The following CNTNAP2 variants were observed in gnomAD, a reference collection of about 807,000 sequenced individuals.
The protein encoded by CNTNAP2 is contactin associated protein 2, also known as contactin-associated protein-like 2.
Under a neutral mutation model 155.2 loss-of-function variants are expected in CNTNAP2, and 98 were observed. That is an observed-to-expected ratio of 0.63 (90% CI 0.54 to 0.75). CNTNAP2 has a LOEUF of 0.75. Among genes scored for constraint, CNTNAP2 ranks in the 30% least tolerant of loss-of-function variants. CNTNAP2 has a pLI of 0.00. For missense variants in CNTNAP2, 1,727 were observed against 1,688.1 expected (o/e 1.02, Z -0.40); for synonymous variants, 651 against 631.2 (o/e 1.03, Z -0.47).
chr7:146,985,686 T>C (rs1367527835), intron 3 of CNTNAP2, among the ~76,000 whole-genome samples: 1 of 152,174 alleles, frequency 6.6e-6, no homozygotes, highest in Non-Finnish European at 1.5e-5. Flanking sequence ...TTCAGTAAAG[T>C]TAACCATCAA....
chr7:146,679,760 C>T (rs1221177137), intron 1 of CNTNAP2, among the ~76,000 whole-genome samples: 1 of 151,870 alleles, frequency 6.6e-6, no homozygotes, highest in Non-Finnish European at 1.5e-5. Context: ...TTCGTTTCTT[C>T]TTTCTTTTCT....
Position 146,525,196 on chromosome 7 carries a change from A to G in CNTNAP2, c.98-249075A>G, listed in dbSNP as rs550074992. Among the ~76,000 whole-genome samples the G allele has an allele frequency of 1.6e-4, 24 of 152,214 alleles. 1 individual carries two copies. The highest frequency in any genetic ancestry group is 5.8e-4 in the African/African-American group (24 of 41,544). On this transcript the variant is annotated intron_variant, in intron 1 of 23. Transcript: ENST00000361727. ...GTTTGGGCCCTGGTAATCCTCGGCT[A>G]TTTGTGTGTATAGATTAAAGCTCCT...
intron 3 of CNTNAP2, among the ~76,000 whole-genome samples, chr7:146,895,746 AT>A (rs1458457090): frequency 6.6e-6 from 1 of 152,252 alleles, no homozygotes; most frequent in East Asian, 1.9e-4. Context: ...GAAATGTGAG[AT>A]GCAATGGGAG....
chr7:146,455,144 G>T (rs746489843), intron 1 of CNTNAP2, among the ~76,000 whole-genome samples: 16 of 152,088 alleles, frequency 1.1e-4, no homozygotes, highest in Non-Finnish European at 1.9e-4. Context: ...TAGCACTAAG[G>T]CATCTTTTGA....
At position 146,609,424 on chromosome 7, in the gene CNTNAP2, G is replaced by A. The variant is rs373607952; in HGVS notation, c.98-164847G>A. On this transcript the variant is annotated intron_variant, in intron 1 of 23. Transcript: ENST00000361727. ...ATTCTGAAAACAGGATTTCTCATGT[G>A]TCACCCCAATACTGCACTGTTATAG... Among the ~76,000 whole-genome samples the A allele has an allele frequency of 3.9e-3, 596 of 152,282 alleles. 2 individuals carry two copies. Among genetic ancestry groups the A allele is most frequent in the African/African-American group, 0.014 (568 of 41,556 alleles).
At chr7:146,580,682 G>A (rs1798598609) in intron 1 of CNTNAP2, among the ~76,000 whole-genome samples, 1 of 152,058 alleles carries the variant, frequency 6.6e-6, no homozygotes, top group African/African-American at 2.4e-5. Context: ...TGCTTGTAAT[G>A]AAGAATGCTT....
At chr7:148,094,164 G>A (rs143891144) in intron 15 of CNTNAP2, among the ~76,000 whole-genome samples, 1 of 152,070 alleles carries the variant, frequency 6.6e-6, no homozygotes, top group Non-Finnish European at 1.5e-5. Flanking sequence ...ACTGCCCATG[G>A]GGACTTGAAC....
chr7:147,276,964 G>A (rs141340558), intron 8 of CNTNAP2, among the ~76,000 whole-genome samples: 78 of 152,094 alleles, frequency 5.1e-4, no homozygotes, highest in African/African-American at 1.7e-3. Flanking sequence ...TGACAATAAT[G>A]CTGTTAGACG....
At chr7:146,522,635 C>G (rs1035213758) in intron 1 of CNTNAP2, among the ~76,000 whole-genome samples, 7 of 151,610 alleles carry the variant, frequency 4.6e-5, no homozygotes, top group African/African-American at 1.7e-4. Context: ...TTTGAAATTC[C>G]AGGAAAGCAT....
At chr7:148,013,776 G>A (rs1802124269) in intron 15 of CNTNAP2, among the ~76,000 whole-genome samples, 1 of 152,100 alleles carries the variant, frequency 6.6e-6, no homozygotes, top group Non-Finnish European at 1.5e-5. Context: ...GATGTGGACA[G>A]CAAATAAGTT....
rs10258430 is a variant in CNTNAP2 at position 146,951,899 on chromosome 7, G to A, written c.403-92008G>A. On this transcript the variant is annotated intron_variant, in intron 3 of 23. Coordinates refer to ENST00000361727, the MANE Select transcript of CNTNAP2 (RefSeq NM_014141.6). ...TACTTTGGGCAGTATGGCCATTTTC[G>A]CGATATTGATTCTTCCTATCCATGA... Among the ~76,000 whole-genome samples, 212 of 151,938 alleles carry A rather than the reference G, an allele frequency of 1.4e-3. 1 individual carries two copies. The highest frequency in any genetic ancestry group is 4.4e-3 in the African/African-American group (181 of 41,460).
intron 10 of CNTNAP2, among the ~76,000 whole-genome samples, chr7:147,426,554 C>A (rs933026297): frequency 1.3e-5 from 2 of 151,986 alleles, no homozygotes; most frequent in Admixed American, 6.6e-5. Flanking sequence ...TCTAATGTAT[C>A]CTGCACAACT....
At chr7:146,595,273 T>G (rs889674428) in intron 1 of CNTNAP2, among the ~76,000 whole-genome samples, 2 of 152,096 alleles carry the variant, frequency 1.3e-5, no homozygotes, top group African/African-American at 4.8e-5. Flanking sequence ...TCCTTGAAAC[T>G]GAATTTTACA....
intron 4 of CNTNAP2, among the ~76,000 whole-genome samples, chr7:147,099,568 A>G (rs571469091): frequency 6.6e-5 from 10 of 152,274 alleles, no homozygotes; most frequent in African/African-American, 2.4e-4. Flanking sequence ...AGAGTGCCTA[A>G]AAACAAGTTG....
chr7:148,144,417 T>G (rs980143156), intron 16 of CNTNAP2, among the ~76,000 whole-genome samples: 6 of 152,228 alleles, frequency 3.9e-5, no homozygotes, highest in Admixed American at 2.6e-4. Context: ...TGCATTCCCC[T>G]GCAAGGGAAA....
At chr7:146,469,973 G>A (rs1359456157) in intron 1 of CNTNAP2, among the ~76,000 whole-genome samples, 1 of 151,690 alleles carries the variant, frequency 6.6e-6, no homozygotes, top group Non-Finnish European at 1.5e-5. Context: ...CCGAGTAGCT[G>A]GGACTACAGG....
intron 13 of CNTNAP2, among the ~76,000 whole-genome samples, chr7:147,763,272 GA>G (rs58090112): frequency 0.41 from 58,309 of 141,596 alleles, 13,738 homozygotes; most frequent in African/African-American, 0.67. Context: ...AAAAAAAAAA[GA>G]AAAAAAAAAA....
chr7:146,575,482 G>C (rs1446070950), intron 1 of CNTNAP2, among the ~76,000 whole-genome samples: 1 of 152,090 alleles, frequency 6.6e-6, no homozygotes, highest in Non-Finnish European at 1.5e-5. Flanking sequence ...GTAATTATTG[G>C]GGAATAGATT....
chr7:147,802,035 C>A (rs1417590676), intron 13 of CNTNAP2, among the ~76,000 whole-genome samples: 2 of 150,736 alleles, frequency 1.3e-5, no homozygotes, highest in African/African-American at 4.9e-5. Flanking sequence ...GGCTGCCGGG[C>A]GGAGGGGCTC....
Sources: gnomAD v4.1 joint callset for allele counts (sites outside exome capture counted in the v4.1 genomes callset) on GRCh38, gnomAD v4.1.1 for gene constraint, MANE v1.5 for transcripts, NCBI Gene and HGNC (gene_info 2026-07-23, HGNC 2026-07-21) for gene names.